The following PCSK2 variants were observed in gnomAD, a reference collection of about 807,000 sequenced individuals.
PCSK2 encodes neuroendocrine convertase 2.
Under a neutral mutation model 69.7 loss-of-function variants are expected in PCSK2, and 14 were observed. The observed-to-expected ratio is 0.20, with a 90% CI of 0.13 to 0.31. The LOEUF (loss-of-function observed/expected upper bound fraction) is 0.31, where lower values mean the gene tolerates loss of function less well. Ranked by LOEUF, PCSK2 falls within the 10% of genes least tolerant of loss-of-function variation. The probability of loss-of-function intolerance (pLI) is 1.00; values close to 1 mark genes in which losing one functional copy is unlikely to be tolerated. For missense variants in PCSK2, 544 were observed against 842.5 expected, an observed-to-expected ratio of 0.65 and a Z score of 4.39; for synonymous variants, 307 against 320.7, an observed-to-expected ratio of 0.96 and a Z score of 0.46.
intron 6 of PCSK2, among the ~76,000 whole-genome samples, chr20:17,416,907 C>A (rs1266026247): frequency 6.6e-6 from 1 of 152,120 alleles, no homozygotes; most frequent in African/African-American, 2.4e-5. Context: ...TCATTCTCAG[C>A]ACACCATCAC....
At position 17,482,960 on chromosome 20, in the gene PCSK2, AAG is replaced by A. The variant is rs1408873496; in HGVS notation, c.*892_*893del. 1.3e-5 allele frequency: 2 copies of A among 152,174 alleles called. No individual in the cohort carries two copies. Among genetic ancestry groups the A allele is most frequent in the African/African-American group, 2.4e-5 (1 of 41,446 alleles). The allele number at this position is 152,174 out of a possible 1,614,324, so 9.4% of individuals were successfully genotyped here. A position where few individuals can be genotyped will look rare whatever the true frequency, so the allele number is the denominator to read the frequency against. ...AGAGTAGTTTACTAGCTTTTCAAAC[AAG>A]AATGTCCCTTTTCCTAAGTCACTTT... On this transcript the variant is annotated 3_prime_UTR_variant, in exon 12 of 12. Coordinates refer to ENST00000262545, the MANE Select transcript of PCSK2 (RefSeq NM_002594.5).
rs114769078 is a variant in PCSK2 at position 17,450,505 on chromosome 20, G to A, written c.886-3237G>A. Among the ~76,000 whole-genome samples the A allele has an allele frequency of 2.7e-3, 418 of 152,236 alleles. 2 individuals carry two copies. The highest frequency in any genetic ancestry group is 9.5e-3 in the African/African-American group (393 of 41,538). On this transcript the variant is annotated intron_variant, in intron 8 of 11. Transcript: ENST00000262545. ...TGTTTTCTGCACTTCTTCCTCTAAC[G>A]GGTTATGGTTTAGATGTGAGCCATA...
intron 8 of PCSK2, among the ~76,000 whole-genome samples, chr20:17,437,992 C>T (rs8124943): frequency 1.3e-5 from 2 of 151,308 alleles, no homozygotes; most frequent in Admixed American, 6.6e-5. Context: ...AGTTCCCCCC[C>T]ACCCACACCG....
intron 2 of PCSK2, among the ~76,000 whole-genome samples, chr20:17,287,867 A>T (rs1186748012): frequency 6.6e-6 from 1 of 152,196 alleles, no homozygotes; most frequent in Non-Finnish European, 1.5e-5. Context: ...TTCATGCTCC[A>T]GATAGCTTTA....
intron 4 of PCSK2, among the ~76,000 whole-genome samples, chr20:17,361,230 A>G (rs1292441671): frequency 3.3e-5 from 5 of 152,160 alleles, no homozygotes; most frequent in Admixed American, 6.5e-5. Flanking sequence ...AGCTTGGGGA[A>G]ATTTGACTTT....
intron 2 of PCSK2, among the ~76,000 whole-genome samples, chr20:17,305,570 C>T (rs78358503): frequency 0.014 from 2,201 of 152,286 alleles, 51 homozygotes; most frequent in African/African-American, 0.05. Flanking sequence ...AATTCTTTTA[C>T]AAGCTGTTTT....
intron 2 of PCSK2, among the ~76,000 whole-genome samples, chr20:17,293,965 T>A (rs1403819146): frequency 2.0e-5 from 3 of 152,176 alleles, no homozygotes; most frequent in Non-Finnish European, 4.4e-5. Flanking sequence ...GGGGTTTCAA[T>A]TTCTTTTAAG....
intron 4 of PCSK2, among the ~76,000 whole-genome samples, chr20:17,364,070 T>G (rs1044274684): frequency 4.0e-5 from 6 of 151,856 alleles, no homozygotes; most frequent in African/African-American, 1.5e-4. Flanking sequence ...CACACCAACA[T>G]GGCACATGTA....
intron 1 of PCSK2, among the ~76,000 whole-genome samples, chr20:17,238,987 AC>A (rs1401322989): frequency 2.6e-5 from 4 of 152,170 alleles, no homozygotes; most frequent in Non-Finnish European, 4.4e-5. Context: ...TTCACTGCAC[AC>A]CCAGCCGATG....
chr20:17,363,414 T>C (rs2030472635), intron 4 of PCSK2, among the ~76,000 whole-genome samples: 2 of 152,206 alleles, frequency 1.3e-5, no homozygotes, highest in African/African-American at 4.8e-5. Flanking sequence ...AGAAATTATT[T>C]CTTAAGGGTC....
chr20:17,403,973 T>C (rs1182354608), intron 5 of PCSK2, among the ~76,000 whole-genome samples: 1 of 152,190 alleles, frequency 6.6e-6, no homozygotes, highest in Non-Finnish European at 1.5e-5. Context: ...GTGGGTGAAC[T>C]GGGAAACAGC....
chr20:17,295,073 C>G (rs556560395), intron 2 of PCSK2, among the ~76,000 whole-genome samples: 17 of 152,094 alleles, frequency 1.1e-4, no homozygotes, highest in African/African-American at 3.6e-4. Flanking sequence ...CTCTCTTTTT[C>G]CTATCTCTTG....
intron 8 of PCSK2, among the ~76,000 whole-genome samples, chr20:17,449,536 A>ATATATATATATGTATG (rs1456677629): frequency 1.1e-4 from 16 of 148,446 alleles, no homozygotes; most frequent in African/African-American, 4.0e-4. Flanking sequence ...GTATATATAT[A>ATATATATATATGTATG]TATGTATATT....
chr20:17,362,055 C>G (rs2030414844), intron 4 of PCSK2, among the ~76,000 whole-genome samples: 1 of 152,226 alleles, frequency 6.6e-6, no homozygotes, highest in African/African-American at 2.4e-5. Context: ...AAAAGTGGCA[C>G]TAAAGTGCCA....
chr20:17,241,568 T>C (rs1986573435), intron 1 of PCSK2, among the ~76,000 whole-genome samples: 1 of 152,232 alleles, frequency 6.6e-6, no homozygotes, highest in Admixed American at 6.5e-5. Flanking sequence ...TAGCACATCA[T>C]TTAATAGATG....
intron 5 of PCSK2, among the ~76,000 whole-genome samples, chr20:17,381,433 A>G (rs1297314780): frequency 6.6e-6 from 1 of 152,120 alleles, no homozygotes; most frequent in Admixed American, 6.5e-5. Context: ...ATGTTTTATA[A>G]CTCAAGCATT....
intron 7 of PCSK2, among the ~76,000 whole-genome samples, chr20:17,435,551 C>T (rs1160914844): frequency 6.6e-6 from 1 of 152,166 alleles, no homozygotes; most frequent in Non-Finnish European, 1.5e-5. Context: ...TTGACGTGCT[C>T]GCCATGTTAG....
intron 2 of PCSK2, among the ~76,000 whole-genome samples, chr20:17,313,963 C>T (rs1162253943): frequency 6.6e-6 from 1 of 152,154 alleles, no homozygotes; most frequent in African/African-American, 2.4e-5. Context: ...GCCAGGATAG[C>T]ACTCCATTAA....
chr20:17,408,700 A>G (rs1401706171), intron 5 of PCSK2, among the ~76,000 whole-genome samples: 1 of 152,216 alleles, frequency 6.6e-6, no homozygotes, highest in African/African-American at 2.4e-5. Flanking sequence ...TTGGACTCTT[A>G]ATGATATTTG....
Sources: gnomAD v4.1 joint callset for allele counts (sites outside exome capture counted in the v4.1 genomes callset) on GRCh38, gnomAD v4.1.1 for gene constraint, MANE v1.5 for transcripts, NCBI Gene and HGNC (gene_info 2026-07-23, HGNC 2026-07-21) for gene names.